Variants in GRID1 observed in about 807,000 individuals in gnomAD.
GRID1 encodes glutamate ionotropic receptor delta type subunit 1.
In GRID1, 28 loss-of-function variants were observed where a neutral mutation model predicts 98.0. The observed-to-expected ratio is 0.29, with a 90% confidence interval of 0.21 to 0.39. The LOEUF is 0.39. Among genes scored for constraint, GRID1 ranks in the 10% least tolerant of loss-of-function variants. The pLI is 1.00. For missense variants in GRID1, 1,111 were observed against 1,340.5 expected (o/e 0.83, Z 2.67); for synonymous variants, 553 against 538.5 (o/e 1.03, Z -0.37).
chr10:85,859,394 TGGATGGATGGATGGATGGAC>T (rs959750283), intron 6 of GRID1, among the ~76,000 whole-genome samples: 5 of 151,760 alleles, frequency 3.3e-5, no homozygotes, highest in Admixed American at 6.6e-5. Flanking sequence ...AAGTGATGGA[TGGATGGATGGATGGATGGAC>T]GGATGGATGG....
intron 8 of GRID1, among the ~76,000 whole-genome samples, chr10:85,774,710 A>C (rs1316355075): frequency 6.6e-6 from 1 of 151,376 alleles, no homozygotes; most frequent in African/African-American, 2.4e-5. Flanking sequence ...ATGCAGCCAA[A>C]AAACACATGA....
At chr10:85,880,390 T>C (rs1022815040) in intron 5 of GRID1, among the ~76,000 whole-genome samples, 18 of 152,144 alleles carry the variant, frequency 1.2e-4, no homozygotes, top group African/African-American at 3.4e-4. Context: ...ACTGGCAAAC[T>C]GAATCCAGCA....
At chr10:86,181,737 C>A (rs1327721422) in intron 3 of GRID1, among the ~76,000 whole-genome samples, 1 of 152,164 alleles carries the variant, frequency 6.6e-6, no homozygotes. Flanking sequence ...AGGGGAAGAA[C>A]CTCTGATTAA....
Position 86,295,704 on chromosome 10 carries a change from G to A in GRID1, c.235+68237C>T, listed in dbSNP as rs186592226. On this transcript the variant is annotated intron_variant, in intron 2 of 15. Transcript: ENST00000327946. ...ACCCTTAGCTGCAGGTTGGGGTTTT[G>A]CCCAGTGCTACTGCAGTTCATACCT... Among the ~76,000 whole-genome samples, 27 of 152,186 alleles carry A rather than the reference G, an allele frequency of 1.8e-4. No individual in the cohort carries two copies. The East Asian group carries it at 2.7e-3, about 15-fold the overall frequency.
At chr10:86,008,619 A>G (rs1842890424) in intron 4 of GRID1, among the ~76,000 whole-genome samples, 1 of 152,208 alleles carries the variant, frequency 6.6e-6, no homozygotes, top group Non-Finnish European at 1.5e-5. Context: ...ACAGAAAAGG[A>G]AACACCTGTG....
At chr10:86,321,460 G>C (rs571994342) in intron 2 of GRID1, among the ~76,000 whole-genome samples, 1 of 152,172 alleles carries the variant, frequency 6.6e-6, no homozygotes, top group Non-Finnish European at 1.5e-5. Context: ...TTTCCTGCAG[G>C]AGCTGGATTT....
intron 5 of GRID1, among the ~76,000 whole-genome samples, chr10:85,905,444 T>A (rs1481070729): frequency 6.6e-6 from 1 of 151,884 alleles, no homozygotes; most frequent in Non-Finnish European, 1.5e-5. Context: ...ACCAAAAATA[T>A]AAATAGCACC....
intron 5 of GRID1, among the ~76,000 whole-genome samples, chr10:85,901,227 T>TTTGTTTATTTA (rs780383598): frequency 6.8e-6 from 1 of 146,274 alleles, no homozygotes. Flanking sequence ...TTTTATTTTA[T>TTTGTTTATTTA]TTTATTTATT....
At chr10:85,782,582 T>C (rs1842390845) in intron 8 of GRID1, among the ~76,000 whole-genome samples, 1 of 152,168 alleles carries the variant, frequency 6.6e-6, no homozygotes, top group South Asian at 2.1e-4. Context: ...CAAAAGAATC[T>C]CATTGAAGAA....
intron 3 of GRID1, among the ~76,000 whole-genome samples, chr10:86,145,554 A>G (rs1262195484): frequency 1.3e-5 from 2 of 151,840 alleles, no homozygotes; most frequent in Non-Finnish European, 2.9e-5. Flanking sequence ...ACATACACAC[A>G]CACACACACA....
intron 4 of GRID1, among the ~76,000 whole-genome samples, chr10:86,116,094 C>A (rs1482652652): frequency 6.6e-6 from 1 of 152,102 alleles, no homozygotes; most frequent in Non-Finnish European, 1.5e-5. Flanking sequence ...CTATGGGGTT[C>A]GTACAATGAT....
chr10:86,151,199 T>C (rs1438964894), intron 3 of GRID1, among the ~76,000 whole-genome samples: 1 of 152,104 alleles, frequency 6.6e-6, no homozygotes, highest in African/African-American at 2.4e-5. Context: ...TGGGAAGGGA[T>C]GAGAAGGAGG....
chr10:85,870,378 C>T (rs1264977846), intron 5 of GRID1, among the ~76,000 whole-genome samples: 1 of 152,226 alleles, frequency 6.6e-6, no homozygotes, highest in African/African-American at 2.4e-5. Flanking sequence ...TGTGGCTTCC[C>T]TACTTTTGAG....
At chr10:85,751,785 T>C (rs1334471666) in intron 8 of GRID1, among the ~76,000 whole-genome samples, 1 of 152,182 alleles carries the variant, frequency 6.6e-6, no homozygotes, top group African/African-American at 2.4e-5. Flanking sequence ...AAAAAATTAT[T>C]GTTAAATTTA....
At chr10:85,708,113 TAAAAA>T (rs768805148) in intron 12 of GRID1, among the ~76,000 whole-genome samples, 86 of 120,936 alleles carry the variant, frequency 7.1e-4, no homozygotes, top group African/African-American at 2.2e-3. Context: ...TAAAGTATAA[TAAAAA>T]AAAAAAAAAA....
At chr10:85,687,870 G>T (rs1354491228) in intron 12 of GRID1, among the ~76,000 whole-genome samples, 1 of 152,152 alleles carries the variant, frequency 6.6e-6, no homozygotes, top group African/African-American at 2.4e-5. Flanking sequence ...GGGGAGAGGG[G>T]CTAACCTGAA....
chr10:85,764,987 G>A lies in GRID1; in HGVS notation c.1234-35373C>T, dbSNP rs184545850. Among the ~76,000 whole-genome samples, 106 of 152,266 alleles carry A rather than the reference G, an allele frequency of 7.0e-4. 3 individuals carry two copies. Among genetic ancestry groups the A allele is most frequent in the Non-Finnish European group, 1.5e-4 (10 of 68,022 alleles). ...AAGCAAGTGGTTAGATGGTTTCTTT[G>A]AGGATTCCAGTACATCTTTATACCT... On this transcript the variant is annotated intron_variant, in intron 8 of 15. Coordinates refer to ENST00000327946, the MANE Select transcript of GRID1 (RefSeq NM_017551.3).
At chr10:85,707,962 G>A (rs1422256878) in intron 12 of GRID1, among the ~76,000 whole-genome samples, 2 of 152,006 alleles carry the variant, frequency 1.3e-5, no homozygotes, top group Non-Finnish European at 2.9e-5. Flanking sequence ...GGGGCCTGTT[G>A]TGGGGTCGGG....
intron 2 of GRID1, among the ~76,000 whole-genome samples, chr10:86,294,953 G>C (rs1034264244): frequency 2.4e-4 from 36 of 152,166 alleles, no homozygotes; most frequent in Non-Finnish European, 5.1e-4. Flanking sequence ...TGAGCCCGGG[G>C]AACAGTGGGG....
Sources: allele counts gnomAD v4.1 joint callset (sites outside exome capture counted in the v4.1 genomes callset), GRCh38; gene constraint gnomAD v4.1.1; transcripts MANE v1.5; gene names NCBI Gene and HGNC (gene_info 2026-07-23, HGNC 2026-07-21).